Variants in ASAP2 observed in about 807,000 individuals in gnomAD.
ASAP2 encodes the protein ArfGAP with SH3 domain, ankyrin repeat and PH domain 2.
In ASAP2, 45 loss-of-function variants were observed where a neutral mutation model predicts 131.4. The ratio of observed to expected loss-of-function variants is 0.34; its 90% CI spans 0.27 to 0.44. The LOEUF (loss-of-function observed/expected upper bound fraction) is 0.44, where lower values mean the gene tolerates loss of function less well. Ranked by LOEUF, ASAP2 falls within the 20% of genes least tolerant of loss-of-function variation. The pLI is 1.00. For missense variants in ASAP2, 1,011 were observed against 1,297.0 expected (o/e 0.78, Z 3.39); for synonymous variants, 510 against 503.0 (o/e 1.01, Z -0.19).
At position 9,335,248 on chromosome 2, in the gene ASAP2, A is replaced by G. The variant is rs1479163561; in HGVS notation, c.849+69A>G. 5.8e-6 allele frequency: 8 copies of G among 1,369,656 alleles called. No homozygotes were observed. The African/African-American group carries it at 8.6e-5, about 15-fold the overall frequency. 84.8% of individuals were successfully genotyped at this position (1,369,656 alleles called of 1,614,324 possible). ...CTTGGAGGCTTTGGGTCTGAAGAACATGAAGTTCATGTCTTCTAGGAGCTC... is the reference window on the plus strand; with the variant it reads ...CTTGGAGGCTTTGGGTCTGAAGAACGTGAAGTTCATGTCTTCTAGGAGCTC... On this transcript the variant is annotated intron_variant, in intron 9 of 27. Coordinates refer to ENST00000281419, the MANE Select transcript of ASAP2 (RefSeq NM_003887.3).
intron 11 of ASAP2, among the ~76,000 whole-genome samples, chr2:9,347,105 A>C (rs1226408507): frequency 1.3e-5 from 2 of 152,146 alleles, no homozygotes; most frequent in African/African-American, 4.8e-5. Context: ...CGCCGCCTAC[A>C]TCCTGCAGGG....
chr2:9,335,884 A>G (rs1188285914), intron 9 of ASAP2, among the ~76,000 whole-genome samples: 1 of 152,230 alleles, frequency 6.6e-6, no homozygotes, highest in African/African-American at 2.4e-5. Context: ...ATCTAAACAT[A>G]TATCTAGTGA....
chr2:9,263,675 C>T (rs1343501247), intron 1 of ASAP2, among the ~76,000 whole-genome samples: 1 of 152,190 alleles, frequency 6.6e-6, no homozygotes, highest in African/African-American at 2.4e-5. Flanking sequence ...CCTTAAACTG[C>T]AGGAGGCTGC....
chr2:9,382,089 T>TTCTTC, intron 20 of ASAP2, among the ~76,000 whole-genome samples: 1 of 150,514 alleles, frequency 6.6e-6, no homozygotes, highest in East Asian at 2.0e-4. Context: ...GTTTAAGCAA[T>TTCTTC]TCTTCTGCCT....
chr2:9,311,538 A>G lies in ASAP2; in HGVS notation c.346-6986A>G, dbSNP rs1669298995. On this transcript the variant is annotated intron_variant, in intron 3 of 27. Transcript: ENST00000281419. This position sits in a 1 kb window ranked among gnomAD's most constrained non-coding sequence, Gnocchi z 5.2. Reference sequence around the variant, plus strand: ...CCCTATGCTTTCTTGGTGCTAAGGAAAATATTCTGGTTGGGTTACCCAGGG... The same window carrying G: ...CCCTATGCTTTCTTGGTGCTAAGGAGAATATTCTGGTTGGGTTACCCAGGG... 6.6e-6 allele frequency among the ~76,000 whole-genome samples: 1 copy of G among 152,146 alleles called. No homozygotes were observed. Among genetic ancestry groups the G allele is most frequent in the Admixed American group, 6.5e-5 (1 of 15,282 alleles).
chr2:9,332,439 T>G (rs1053948625), intron 7 of ASAP2, among the ~76,000 whole-genome samples: 2 of 152,166 alleles, frequency 1.3e-5, no homozygotes, highest in South Asian at 2.1e-4. Context: ...TCCAGGTAGG[T>G]GGATGGTGAA....
chr2:9,354,080 C>T (rs183374797), intron 12 of ASAP2, among the ~76,000 whole-genome samples: 1 of 152,198 alleles, frequency 6.6e-6, no homozygotes, highest in African/African-American at 2.4e-5. Context: ...GCCTGCAGAC[C>T]GACCCCACTC....
intron 2 of ASAP2, among the ~76,000 whole-genome samples, chr2:9,291,507 A>G (rs10204847): frequency 0.35 from 53,562 of 152,080 alleles, 9,740 homozygotes; most frequent in African/African-American, 0.41. Flanking sequence ...AATGGTCTCC[A>G]CTGTGCAGAG....
intron 1 of ASAP2, among the ~76,000 whole-genome samples, chr2:9,254,208 CAAAAAAAA>C (rs1167547534): frequency 8.3e-4 from 13 of 15,624 alleles, no homozygotes; most frequent in East Asian, 3.1e-3. Context: ...GAGACTGTCT[CAAAAAAAA>C]AAAAAAAAAA....
intron 3 of ASAP2, among the ~76,000 whole-genome samples, chr2:9,300,316 A>G (rs762767303): frequency 2.0e-5 from 3 of 152,260 alleles, no homozygotes; most frequent in African/African-American, 4.8e-5. Flanking sequence ...AGCACTCCAC[A>G]CCATGGAATC....
At chr2:9,383,148 CAGTT>C (rs1399883629) in intron 20 of ASAP2, among the ~76,000 whole-genome samples, 2 of 151,498 alleles carry the variant, frequency 1.3e-5, no homozygotes, top group Non-Finnish European at 2.9e-5. Context: ...TCAGTGGAGT[CAGTT>C]GGTCACCAGG....
intron 5 of ASAP2, among the ~76,000 whole-genome samples, chr2:9,322,623 A>G (rs182133232): frequency 3.3e-5 from 5 of 152,318 alleles, no homozygotes; most frequent in African/African-American, 1.2e-4. Flanking sequence ...TGAATGTAGA[A>G]AGGATAATTA....
At position 9,374,736 on chromosome 2, in the gene ASAP2, C is replaced by A; in HGVS notation, c.1557-19C>A. ...TAGAAGCCCTTCATGATTTGCAAGG[C>A]AATTACGTTTGGTTTCAGGAATGCA... On this transcript the variant is annotated intron_variant, in intron 16 of 27. Coordinates refer to ENST00000281419, the MANE Select transcript of ASAP2 (RefSeq NM_003887.3). The A allele has an allele frequency of 1.9e-6, 3 of 1,573,900 alleles. No homozygotes were observed. The highest frequency in any genetic ancestry group is 2.6e-6 in the Non-Finnish European group (3 of 1,160,630).
intron 8 of ASAP2, 59 bp downstream of exon 8, chr2:9,334,872 T>C: frequency 1.3e-6 from 2 of 1,543,224 alleles, no homozygotes; most frequent in East Asian, 2.2e-5. Flanking sequence ...GACATTTTCA[T>C]CTAAATGTCA....
At chr2:9,366,238 G>C (rs1403286534) in intron 15 of ASAP2, among the ~76,000 whole-genome samples, 4 of 151,934 alleles carry the variant, frequency 2.6e-5, no homozygotes, top group Admixed American at 2.6e-4. Context: ...TGGCTCCCTG[G>C]ACCAGCTGTC....
At chr2:9,235,061 C>T (rs1010721651) in intron 1 of ASAP2, among the ~76,000 whole-genome samples, 1 of 152,084 alleles carries the variant, frequency 6.6e-6, no homozygotes. Flanking sequence ...TGTCTCCAGA[C>T]GAGCTGAATT....
chr2:9,339,681 C>G (rs1344058865), intron 9 of ASAP2, among the ~76,000 whole-genome samples: 1 of 152,104 alleles, frequency 6.6e-6, no homozygotes, highest in East Asian at 1.9e-4. Context: ...TGACATATCC[C>G]TTAGCCTCCT....
chr2:9,253,010 A>G (rs1300236554), intron 1 of ASAP2, among the ~76,000 whole-genome samples: 4 of 151,954 alleles, frequency 2.6e-5, no homozygotes, highest in African/African-American at 7.3e-5. Context: ...TTAGTTGTTC[A>G]CTGCAGCCCT....
At chr2:9,233,050 GCT>G (rs552062147) in intron 1 of ASAP2, among the ~76,000 whole-genome samples, 56 of 152,208 alleles carry the variant, frequency 3.7e-4, no homozygotes, top group Admixed American at 6.5e-4. Flanking sequence ...GCCAGTCTGT[GCT>G]CTGTGTTTTT....
Sources: allele counts gnomAD v4.1 joint callset (sites outside exome capture counted in the v4.1 genomes callset), GRCh38; gene constraint gnomAD v4.1.1; non-coding constraint Gnocchi (gnomAD v3.1); transcripts MANE v1.5; gene names NCBI Gene and HGNC (gene_info 2026-07-23, HGNC 2026-07-21).